Variants in NLRP13 observed in about 807,000 individuals in gnomAD.
NLRP13 encodes NLR family pyrin domain containing 13, also known as NACHT, LRR and PYD domains-containing protein 13.
In NLRP13, 82 loss-of-function variants were observed where a neutral mutation model predicts 94.4. That is an observed-to-expected ratio of 0.87 (90% CI 0.73 to 1.04). NLRP13 has a LOEUF of 1.04. Among genes scored for constraint, NLRP13 ranks in the 50% least tolerant of loss-of-function variants. The pLI is 0.00. For synonymous variants in NLRP13, 553 were observed against 464.7 expected (o/e 1.19, Z -2.45); for missense variants, 1,426 against 1,230.8 (o/e 1.16, Z -2.37).
chr19:55,893,669 G>C (rs977389066), downstream of NLRP13, among the ~76,000 whole-genome samples: 3 of 152,136 alleles, frequency 2.0e-5, no homozygotes, highest in East Asian at 5.8e-4. Context: ...TTGTGGGCAG[G>C]CCAGAGTAAC....
chr19:55,920,324 T>C (rs1357932251), intron 4 of NLRP13, among the ~76,000 whole-genome samples: 1 of 152,014 alleles, frequency 6.6e-6, no homozygotes, highest in Non-Finnish European at 1.5e-5. Flanking sequence ...AAAAATAAAC[T>C]GATATGCCTT....
chr19:55,893,730 TG>T (rs1411196589), downstream of NLRP13, among the ~76,000 whole-genome samples: 5 of 152,220 alleles, frequency 3.3e-5, no homozygotes, highest in Admixed American at 1.3e-4. Context: ...CTCATTAATC[TG>T]CATCTAGCAA....
chr19:55,921,772 CA>C (rs1986834417), intron 4 of NLRP13, among the ~76,000 whole-genome samples: 2 of 152,086 alleles, frequency 1.3e-5, no homozygotes, highest in African/African-American at 4.8e-5. Context: ...AAAGACATAG[CA>C]GGTGGCAATG....
chr19:55,912,428 C>T lies in NLRP13; in HGVS notation c.1389G>A (p.Leu463=). 2 of 1,614,126 alleles carry T rather than the reference C, an allele frequency of 1.2e-6. No homozygotes were observed. The highest frequency in any genetic ancestry group is 1.7e-6 in the Non-Finnish European group (2 of 1,180,026). Residue 463 remains leucine, a synonymous_variant, in exon 5 of 11, where the codon TTG becomes TTA. Coordinates refer to ENST00000342929, the MANE Select transcript of NLRP13 (RefSeq NM_176810.2). ...CCAAATCTACCTCTGCTGTGGAGAA[C>T]AAGTTGGAGAAAAAATAGGCATACA... ...TSLYAYFFSN[L]FSTAEVDLAD...
downstream of NLRP13, among the ~76,000 whole-genome samples, chr19:55,892,673 G>A (rs1162012734): frequency 3.9e-5 from 6 of 152,046 alleles, no homozygotes; most frequent in Non-Finnish European, 5.9e-5. Context: ...TGCCCACCTC[G>A]GCCTCCCAAA....
In NLRP13 at chr19:55,925,048, G is replaced by A. The variant is rs1362801503; in HGVS notation, c.320-13C>T. ...GTCTGCACATTCTCTGAAACAAACAGTGATGATGACATATGAGAATACCCA... is the reference window on the plus strand; with the variant it reads ...GTCTGCACATTCTCTGAAACAAACAATGATGATGACATATGAGAATACCCA... On this transcript the variant is annotated splice_polypyrimidine_tract_variant and intron_variant, in intron 1 of 10. Transcript: ENST00000342929. 5.6e-6 allele frequency: 9 copies of A among 1,612,894 alleles called. No homozygotes were observed. In the South Asian group the frequency reaches 6.6e-5, roughly 12 times the overall value.
At chr19:55,895,920 T>C, downstream of NLRP13, 1 of 1,609,518 alleles carries the variant, frequency 6.2e-7, no homozygotes, top group Non-Finnish European at 8.5e-7. Flanking sequence ...CTGTATGTTC[T>C]CCCCTGCAGA....
chr19:55,897,213 G>A (rs1393703481), intron 10 of NLRP13, among the ~76,000 whole-genome samples: 4 of 152,214 alleles, frequency 2.6e-5, no homozygotes, highest in African/African-American at 9.6e-5. Flanking sequence ...CTCCACCTGA[G>A]TTCATAAATA....
intron 9 of NLRP13, among the ~76,000 whole-genome samples, chr19:55,899,651 G>T (rs1011893019): frequency 1.3e-5 from 2 of 152,050 alleles, no homozygotes; most frequent in Non-Finnish European, 2.9e-5. Flanking sequence ...GTGGTGGCGG[G>T]TGCCTGCAAT....
chr19:55,912,257 A>G lies in NLRP13; in HGVS notation c.1560T>C (p.Asn520=). 2 of 1,614,154 alleles carry G rather than the reference A, an allele frequency of 1.2e-6. No homozygotes were observed. The highest frequency in any genetic ancestry group is 1.7e-6 in the Non-Finnish European group (2 of 1,180,026). ...CACAGTCATTGATCTTTTGAAGAAT[A>G]TTGAACTCGTAGAGAGAATCAATGA... ...VPFIDSLYEF[N]ILQKINDCGG... The change falls in exon 5 of 11, where the codon AAT becomes AAC. Residue 520 remains asparagine, a synonymous_variant. Transcript: ENST00000342929.
intron 1 of NLRP13, among the ~76,000 whole-genome samples, chr19:55,929,470 T>C (rs971078259): frequency 1.3e-5 from 2 of 152,190 alleles, no homozygotes; most frequent in Non-Finnish European, 2.9e-5. Context: ...TTCATGTCCT[T>C]CGCAGGGACA....
At chr19:55,900,393 A>G (rs1986133036) in intron 9 of NLRP13, among the ~76,000 whole-genome samples, 1 of 152,206 alleles carries the variant, frequency 6.6e-6, no homozygotes, top group South Asian at 2.1e-4. Flanking sequence ...AGGAAGAGGT[A>G]TGACCCACGG....
rs570362068 is a variant in NLRP13, at chr19:55,919,654, G to A, written c.523+4260C>T. On this transcript the variant is annotated intron_variant, in intron 4 of 10. Transcript: ENST00000342929. ...CACCTAAGGAATATATTCAACCAAA[G>A]AGGTGAAAGATCTCCACAAGGAAAA... 3.3e-5 allele frequency among the ~76,000 whole-genome samples: 5 copies of A among 151,780 alleles called. No homozygotes were observed. In the South Asian group the frequency reaches 6.2e-4, roughly 19 times the overall value.
At chr19:55,918,694 A>C (rs866559918) in intron 4 of NLRP13, among the ~76,000 whole-genome samples, 1 of 152,148 alleles carries the variant, frequency 6.6e-6, no homozygotes, top group Non-Finnish European at 1.5e-5. Context: ...AATCCTGAAC[A>C]GATCAACAAC....
intron 5 of NLRP13, among the ~76,000 whole-genome samples, chr19:55,911,063 G>A (rs559477078): frequency 6.0e-4 from 92 of 152,280 alleles, no homozygotes; most frequent in African/African-American, 2.1e-3. Context: ...CAGGGTGTGG[G>A]GGTTGCAAGA....
Position 55,911,988 on chromosome 19 carries a change from GGA to G in NLRP13, c.1827_1828del (p.Pro610GlnfsTer15), listed in dbSNP as rs1568694059. On this transcript the variant is annotated frameshift_variant, in exon 5 of 11. Transcript: ENST00000342929. LOFTEE classifies it high-confidence loss of function. ...CTTTAATAATTCCTCCATTACCCTG[GGA>G]GATATTTTACAATGCAAAGTATCTT... 4 of 1,614,094 alleles carry G rather than the reference GGA, an allele frequency of 2.5e-6. No homozygotes were observed. Among genetic ancestry groups the G allele is most frequent in the Non-Finnish European group, 3.4e-6 (4 of 1,180,022 alleles).
chr19:55,905,205 C>T, intron 7 of NLRP13, 93 bp from the exon 8 acceptor site: 2 of 1,295,806 alleles, frequency 1.5e-6, no homozygotes, highest in Non-Finnish European at 2.1e-6. Context: ...GAGACCCAAA[C>T]ATTATGGGAA....
At chr19:55,924,537 A>T (rs964724175) in intron 3 of NLRP13, 53 bp downstream of exon 3, 5 of 1,297,046 alleles carry the variant, frequency 3.9e-6, no homozygotes, top group Admixed American at 1.7e-5. Context: ...GGACCAATGA[A>T]ACGAGTGTTC....
At chr19:55,895,898 C>T (rs1487388234), downstream of NLRP13, 1 of 1,586,582 alleles carries the variant, frequency 6.3e-7, no homozygotes, top group Admixed American at 1.7e-5. Flanking sequence ...CCTAGTCAAT[C>T]TAGCCTTGTC....
Sources: allele counts gnomAD v4.1 joint callset (sites outside exome capture counted in the v4.1 genomes callset), GRCh38; gene constraint gnomAD v4.1.1; transcripts MANE v1.5; gene names NCBI Gene and HGNC (gene_info 2026-07-23, HGNC 2026-07-21).